SUMO3: variants seen among roughly 807,000 people sequenced by gnomAD.
SUMO3 encodes small ubiquitin-related modifier 3.
SUMO3 carries 2 observed loss-of-function variants against 11.1 expected under a neutral mutation model. The observed-to-expected ratio is 0.18, with a 90% confidence interval of 0.07 to 0.57. SUMO3 has a LOEUF of 0.57. Among genes scored for constraint, SUMO3 ranks in the 20% least tolerant of loss-of-function variants. The pLI, the probability that SUMO3 is intolerant of heterozygous loss-of-function variation, is 0.92. For synonymous variants in SUMO3, 56 were observed against 53.5 expected (o/e 1.05, Z -0.20); for missense variants, 70 against 132.8 (o/e 0.53, Z 2.32).
At chr21:44,814,615 A>G (rs1034189470) in intron 1 of SUMO3, among the ~76,000 whole-genome samples, 18 of 152,238 alleles carry the variant, frequency 1.2e-4, no homozygotes, top group African/African-American at 4.1e-4. Context: ...AAAAGAAACC[A>G]AAAACAGAAG....
At chr21:44,813,603 G>A in intron 2 of SUMO3, 1 of 552,110 alleles carries the variant, frequency 1.8e-6, no homozygotes. Context: ...CAGCGGCGTG[G>A]GGCACACGCC....
At chr21:44,813,080 A>C (rs2083221859) in intron 2 of SUMO3, among the ~76,000 whole-genome samples, 1 of 152,276 alleles carries the variant, frequency 6.6e-6, no homozygotes, top group African/African-American at 2.4e-5. Context: ...GGCAGTCGCC[A>C]GTGACTGCCC....
In SUMO3 at chr21:44,807,224, G is replaced by A. The variant is rs571908927; in HGVS notation, c.223-184C>T. ...ACGCATGGAAGAGGCATTGCTGTAT[G>A]CTCACTACAGCCCTTACGGTTCAAC... On this transcript the variant is annotated intron_variant, in intron 3 of 3. Transcript: ENST00000332859. This position sits in a 1 kb window ranked among gnomAD's most constrained non-coding sequence, Gnocchi z 4.3. 6.6e-6 allele frequency among the ~76,000 whole-genome samples: 1 copy of A among 152,272 alleles called. No individual in the cohort carries two copies. Among genetic ancestry groups the A allele is most frequent in the South Asian group, 2.1e-4 (1 of 4,818 alleles).
chr21:44,806,958 CTG>C lies in SUMO3; in HGVS notation c.303_304del (p.His101GlnfsTer21), dbSNP rs780717596. 4 of 1,614,118 alleles carry C rather than the reference CTG, an allele frequency of 2.5e-6. No homozygotes were observed. Among genetic ancestry groups the C allele is most frequent in the East Asian group, 4.5e-5 (2 of 44,882 alleles). ...GGGCTGGGGACGGGCCCTCTAGAAA[CTG>C]TGCCCTGCCAGGCTGCTCTCCGGCA... On this transcript the variant is annotated frameshift_variant, in exon 4 of 4. Transcript: ENST00000332859. LOFTEE classifies it high-confidence loss of function.
chr21:44,818,009 G>C lies in SUMO3; in HGVS notation c.-41C>G. The stretch of plus-strand genomic sequence containing the variant: ...GCGGGGAGGCGGCGCGGGGGAAGCA[G>C]CGCGGAGCGGGCGAGTCACGCTCTC... On this transcript the variant is annotated 5_prime_UTR_variant, in exon 1 of 4. Coordinates refer to ENST00000332859, the MANE Select transcript of SUMO3 (RefSeq NM_006936.3). The C allele has an allele frequency of 1.7e-6, 2 of 1,172,102 alleles. No homozygotes were observed. The highest frequency in any genetic ancestry group is 2.1e-6 in the Non-Finnish European group (2 of 950,308). 72.6% of individuals were successfully genotyped at this position (1,172,102 alleles called of 1,614,324 possible).
chr21:44,808,643 A>T, intron 3 of SUMO3: 2 of 1,380,154 alleles, frequency 1.4e-6, no homozygotes, highest in East Asian at 2.7e-5. Flanking sequence ...ACTGATAATC[A>T]GGGGTTATGG....
intron 1 of SUMO3, among the ~76,000 whole-genome samples, chr21:44,816,754 C>T (rs1014176672): frequency 2.6e-5 from 4 of 151,944 alleles, no homozygotes; most frequent in African/African-American, 9.7e-5. Context: ...GGAGGCACAC[C>T]CCAGCATGGC....
intron 1 of SUMO3, 116 bp downstream of exon 1, chr21:44,817,832 G>GAGGGGCGGAGCCTGTC (rs1374448962): frequency 6.3e-6 from 1 of 159,874 alleles, no homozygotes; most frequent in African/African-American, 2.4e-5. Context: ...AGAGGGCGGG[G>GAGGGGCGGAGCCTGTC]AGGGGCGGAG....
intron 2 of SUMO3, among the ~76,000 whole-genome samples, chr21:44,813,008 G>T (rs1030659491): frequency 6.6e-6 from 1 of 152,220 alleles, no homozygotes; most frequent in Non-Finnish European, 1.5e-5. Flanking sequence ...GTGAAAATAA[G>T]ATCTGCCCTC....
chr21:44,806,945 G>A lies in SUMO3; in HGVS notation c.*6C>T. Reference sequence around the variant, plus strand: ...GGATGGACGGCCCGGGCTGGGGACGGGCCCTCTAGAAACTGTGCCCTGCCA... The same window carrying A: ...GGATGGACGGCCCGGGCTGGGGACGAGCCCTCTAGAAACTGTGCCCTGCCA... On this transcript the variant is annotated 3_prime_UTR_variant, in exon 4 of 4. Coordinates refer to ENST00000332859, the MANE Select transcript of SUMO3 (RefSeq NM_006936.3). 1.2e-6 allele frequency: 2 copies of A among 1,614,034 alleles called. No individual in the cohort carries two copies. The highest frequency in any genetic ancestry group is 1.7e-6 in the Non-Finnish European group (2 of 1,180,002).
At chr21:44,808,974 A>C (rs2083194367) in intron 3 of SUMO3, 73 bp downstream of exon 3, 2 of 1,246,516 alleles carry the variant, frequency 1.6e-6, no homozygotes, top group Non-Finnish European at 2.4e-6. Context: ...TTCTCAAATA[A>C]GCGTATCCCA....
In SUMO3 at chr21:44,810,783, A is replaced by G. The variant is rs1289511160; in HGVS notation, c.151-1665T>C. Among the ~76,000 whole-genome samples, 1 of 152,100 alleles carries G rather than the reference A, an allele frequency of 6.6e-6. No homozygotes were observed. The highest frequency in any genetic ancestry group is 1.5e-5 in the Non-Finnish European group (1 of 67,996). ...CAGCTTCTCGGTGCTCCATGCTTGC[A>G]CAGAAGTCAGCCTGCGTGAGAGCAG... is the stretch of plus-strand genomic sequence containing the variant. On this transcript the variant is annotated intron_variant, in intron 2 of 3. Transcript: ENST00000332859. This position sits in a 1 kb window ranked among gnomAD's most constrained non-coding sequence, Gnocchi z 4.1.
At chr21:44,809,434 C>T (rs910973293) in intron 2 of SUMO3, among the ~76,000 whole-genome samples, 3 of 152,190 alleles carry the variant, frequency 2.0e-5, no homozygotes, top group Non-Finnish European at 4.4e-5. Flanking sequence ...TCATTTTCAA[C>T]CCAGGTTTTG....
At position 44,807,110 on chromosome 21, in the gene SUMO3, A is replaced by C. The variant is rs1032172992; in HGVS notation, c.223-70T>G. On this transcript the variant is annotated intron_variant, in intron 3 of 3. Transcript: ENST00000332859. This position sits in a 1 kb window ranked among gnomAD's most constrained non-coding sequence, Gnocchi z 4.3. ...TGTTAGTTTTCATCAGAGAGTGGGA[A>C]GATCCTCACTGGCATGAGTGTTCCC... is the stretch of plus-strand genomic sequence containing the variant. 1 of 1,575,180 alleles carries C rather than the reference A, an allele frequency of 6.3e-7. No individual in the cohort carries two copies. Among genetic ancestry groups the C allele is most frequent in the Non-Finnish European group, 8.7e-7 (1 of 1,155,796 alleles).
At position 44,810,963 on chromosome 21, in the gene SUMO3, T is replaced by C. The variant is rs2083206510; in HGVS notation, c.151-1845A>G. Among the ~76,000 whole-genome samples, 2 of 132,858 alleles carry C rather than the reference T, an allele frequency of 1.5e-5. No individual in the cohort carries two copies. Among genetic ancestry groups the C allele is most frequent in the South Asian group, 2.4e-4 (1 of 4,122 alleles). The allele number at this position is 132,858 out of a possible 152,430, so 87.2% of individuals were successfully genotyped here. On this transcript the variant is annotated intron_variant, in intron 2 of 3. Coordinates refer to ENST00000332859, the MANE Select transcript of SUMO3 (RefSeq NM_006936.3). The surrounding 1 kb of genome is among the most constrained non-coding windows in gnomAD (Gnocchi z 4.1). ...CCACACACATGCACACACCCACACA[T>C]GCACACCCATGCACACACCCATGCA... is the stretch of plus-strand genomic sequence containing the variant.
intron 1 of SUMO3, among the ~76,000 whole-genome samples, chr21:44,816,767 T>C (rs1275841261): frequency 6.6e-6 from 1 of 150,710 alleles, no homozygotes; most frequent in Non-Finnish European, 1.5e-5. Flanking sequence ...AGCATGGCAA[T>C]GGGGGAGACT....
chr21:44,810,256 G>A lies in SUMO3; in HGVS notation c.151-1138C>T, dbSNP rs2146421427. Among the ~76,000 whole-genome samples, 1 of 152,348 alleles carries A rather than the reference G, an allele frequency of 6.6e-6. No homozygotes were observed. Among genetic ancestry groups the A allele is most frequent in the East Asian group, 1.9e-4 (1 of 5,186 alleles). On this transcript the variant is annotated intron_variant, in intron 2 of 3. Coordinates refer to ENST00000332859, the MANE Select transcript of SUMO3 (RefSeq NM_006936.3). This position sits in a 1 kb window ranked among gnomAD's most constrained non-coding sequence, Gnocchi z 4.1. The stretch of plus-strand genomic sequence containing the variant: ...AAAAGGCACAAACAGGAAGGACAAA[G>A]AAAACGGGAGTGGGGATGGGCAGAT...
rs1448135280 is a variant in SUMO3 at position 44,810,922 on chromosome 21, CCACACATGCCCACACCCA to C, written c.151-1822_151-1805del. ...AACACAGGCACACACATGCCCACAC[CCACACATGCCCACACCCA>C]CACACATGCACACACCCACACATGC... On this transcript the variant is annotated intron_variant, in intron 2 of 3. Transcript: ENST00000332859. This position sits in a 1 kb window ranked among gnomAD's most constrained non-coding sequence, Gnocchi z 4.1. 6.6e-6 allele frequency among the ~76,000 whole-genome samples: 1 copy of C among 150,942 alleles called. No homozygotes were observed. The highest frequency in any genetic ancestry group is 1.9e-4 in the East Asian group (1 of 5,134).
At chr21:44,813,870 G>C (rs2083227677) in intron 2 of SUMO3, 106 bp downstream of exon 2, 1 of 1,587,462 alleles carries the variant, frequency 6.3e-7, no homozygotes, top group Non-Finnish European at 8.5e-7. Context: ...ACCTCGGGCA[G>C]CTGCATCTGG....
Sources: allele counts gnomAD v4.1 joint callset (sites outside exome capture counted in the v4.1 genomes callset), GRCh38; gene constraint gnomAD v4.1.1; non-coding constraint Gnocchi (gnomAD v3.1); transcripts MANE v1.5; gene names NCBI Gene and HGNC (gene_info 2026-07-23, HGNC 2026-07-21).